DCDC2: variants seen among roughly 807,000 people sequenced by gnomAD.
DCDC2 encodes the protein doublecortin domain containing 2.
A neutral mutation model predicts 50.2 loss-of-function variants in DCDC2; 40 were observed. That is an observed-to-expected ratio of 0.80 (90% CI 0.62 to 1.04). DCDC2 has a LOEUF of 1.04. Ranked by LOEUF, DCDC2 falls within the 50% of genes least tolerant of loss-of-function variation. The pLI is 0.00. For missense variants in DCDC2, 570 were observed against 581.9 expected, an observed-to-expected ratio of 0.98 and a Z score of 0.21; for synonymous variants, 234 against 210.6, an observed-to-expected ratio of 1.11 and a Z score of -0.96.
chr6:24,184,214 G>A (rs1024834945), intron 8 of DCDC2, among the ~76,000 whole-genome samples: 5 of 152,128 alleles, frequency 3.3e-5, no homozygotes, highest in Admixed American at 2.6e-4. Flanking sequence ...ACACTCACGT[G>A]TACTTTCAAT....
chr6:24,365,094 C>CT, the DCDC2 span, among the ~76,000 whole-genome samples: 14,476 of 152,098 alleles, frequency 0.095, 1,214 homozygotes, highest in East Asian at 0.39. Context: ...CTGGTAATGG[C>CT]TAACCTCTCC....
chr6:24,222,283 G>C (rs145032674), intron 7 of DCDC2, among the ~76,000 whole-genome samples: 50 of 152,160 alleles, frequency 3.3e-4, no homozygotes, highest in African/African-American at 1.2e-3. Context: ...TTTGGAGAAA[G>C]AAAAAAGCTT....
intron 8 of DCDC2, among the ~76,000 whole-genome samples, chr6:24,202,857 C>A (rs890634743): frequency 6.6e-6 from 1 of 151,996 alleles, no homozygotes; most frequent in Admixed American, 6.6e-5. Context: ...AAACAGAGAG[C>A]CAAATCATGA....
Position 24,174,839 on chromosome 6 carries a change from A to G in DCDC2, c.1327-5T>C. Reference sequence around the variant, plus strand: ...TCTTTGAGGGTCTACATCAGCCTAGAAGAAAATAGATCAAAACAAAGGTAT... The same window carrying G: ...TCTTTGAGGGTCTACATCAGCCTAGGAGAAAATAGATCAAAACAAAGGTAT... On this transcript the variant is annotated splice_polypyrimidine_tract_variant and splice_region_variant and intron_variant, in intron 9 of 9. Transcript: ENST00000378454. The G allele has an allele frequency of 6.3e-7, 1 of 1,597,868 alleles. No individual in the cohort carries two copies. Among genetic ancestry groups the G allele is most frequent in the African/African-American group, 1.3e-5 (1 of 74,472 alleles).
At chr6:24,263,818 T>G (rs979745845) in intron 7 of DCDC2, among the ~76,000 whole-genome samples, 2 of 152,148 alleles carry the variant, frequency 1.3e-5, no homozygotes, top group East Asian at 3.9e-4. Context: ...GAAAGTTTAC[T>G]CAAAGACTAA....
chr6:24,282,020 A>G (rs2048462583), intron 6 of DCDC2, among the ~76,000 whole-genome samples: 1 of 152,190 alleles, frequency 6.6e-6, no homozygotes, highest in African/African-American at 2.4e-5. Flanking sequence ...CCCAGAAGTA[A>G]CAAATTATGG....
rs192373372 is a variant in DCDC2, at chr6:24,214,720, A to C, written c.923-9618T>G. ...TCCTTTTTCCACCCCAGTGACTTGC[A>C]GTTACTTATTTGGCCTAAAATTGAC... On this transcript the variant is annotated intron_variant, in intron 7 of 9. Transcript: ENST00000378454. Among the ~76,000 whole-genome samples, 220 of 152,298 alleles carry C rather than the reference A, an allele frequency of 1.4e-3. 1 individual carries two copies. Among genetic ancestry groups the C allele is most frequent in the Non-Finnish European group, 2.4e-3 (166 of 68,016 alleles).
At chr6:24,201,847 G>GA (rs1474879480) in intron 8 of DCDC2, among the ~76,000 whole-genome samples, 1 of 152,158 alleles carries the variant, frequency 6.6e-6, no homozygotes, top group African/African-American at 2.4e-5. Flanking sequence ...TACCATCAGA[G>GA]AATACTATGA....
chr6:24,319,207 C>T (rs11757372), intron 2 of DCDC2, among the ~76,000 whole-genome samples: 3,837 of 151,774 alleles, frequency 0.025, 134 homozygotes, highest in Non-Finnish European at 0.028. Flanking sequence ...TTTTCATATG[C>T]TTTTTGGCCA....
chr6:24,194,473 A>G (rs1409543428), intron 8 of DCDC2, among the ~76,000 whole-genome samples: 1 of 152,192 alleles, frequency 6.6e-6, no homozygotes, highest in Non-Finnish European at 1.5e-5. Flanking sequence ...CTCCAAAGTT[A>G]CTATCTCCAT....
rs555018634 is a variant in DCDC2, at chr6:24,309,567, G to C, written c.349-7523C>G. 1.4e-4 allele frequency among the ~76,000 whole-genome samples: 21 copies of C among 152,030 alleles called. No homozygotes were observed. In the East Asian group the frequency reaches 1.7e-3, roughly 13 times the overall value. On this transcript the variant is annotated intron_variant, in intron 2 of 9. Coordinates refer to ENST00000378454, the MANE Select transcript of DCDC2 (RefSeq NM_016356.5). ...CCTACTGAAAACAAAATCCCAAAGA[G>C]GCATAGCTAAAAAGCCAATAGAGAG... is the stretch of plus-strand genomic sequence containing the variant.
At chr6:24,373,792 C>T in the DCDC2 span, among the ~76,000 whole-genome samples, 1 of 152,086 alleles carries the variant, frequency 6.6e-6, no homozygotes, top group Non-Finnish European at 1.5e-5. Flanking sequence ...TATTTAGTAA[C>T]AATTTTTTTC....
chr6:24,271,671 A>G (rs1452424711), intron 7 of DCDC2, among the ~76,000 whole-genome samples: 1 of 152,164 alleles, frequency 6.6e-6, no homozygotes, highest in African/African-American at 2.4e-5. Context: ...TTGGCATTCT[A>G]AAGTGGAGCT....
chr6:24,236,565 AGCT>A (rs1311451526), intron 7 of DCDC2, among the ~76,000 whole-genome samples: 2 of 152,226 alleles, frequency 1.3e-5, no homozygotes, highest in African/African-American at 4.8e-5. Context: ...TAAACTAAAG[AGCT>A]TCTGCACACC....
upstream of DCDC2, among the ~76,000 whole-genome samples, chr6:24,359,396 A>ATATATATTTTATATAT (rs1760607603): frequency 9.2e-5 from 7 of 76,340 alleles, 2 homozygotes; most frequent in Admixed American, 7.4e-4. Flanking sequence ...ATTATATATT[A>ATATATATTTTATATAT]TATATATTTT....
intron 1 of DCDC2, among the ~76,000 whole-genome samples, chr6:24,355,896 CTT>C (rs1561786526): frequency 6.6e-6 from 1 of 152,028 alleles, no homozygotes; most frequent in African/African-American, 2.4e-5. Flanking sequence ...AGTTATAAGA[CTT>C]TATTTGAATT....
At chr6:24,182,851 C>A (rs561362478) in intron 8 of DCDC2, among the ~76,000 whole-genome samples, 102 of 152,164 alleles carry the variant, frequency 6.7e-4, no homozygotes, top group African/African-American at 2.3e-3. Context: ...TATTTGTACA[C>A]CCAAGTTTAT....
intron 2 of DCDC2, among the ~76,000 whole-genome samples, chr6:24,333,211 C>T (rs554609532): frequency 6.6e-6 from 1 of 152,232 alleles, no homozygotes; most frequent in South Asian, 2.1e-4. Flanking sequence ...ATGCCATGTC[C>T]CTTCCATTGC....
intron 7 of DCDC2, among the ~76,000 whole-genome samples, chr6:24,268,528 G>A (rs1218498026): frequency 6.6e-6 from 1 of 152,102 alleles, no homozygotes; most frequent in Non-Finnish European, 1.5e-5. Context: ...TGAAACTACT[G>A]CTCAATGGAA....
Sources: gnomAD v4.1 joint callset for allele counts (sites outside exome capture counted in the v4.1 genomes callset) on GRCh38, gnomAD v4.1.1 for gene constraint, MANE v1.5 for transcripts, NCBI Gene and HGNC (gene_info 2026-07-23, HGNC 2026-07-21) for gene names.